Variants in SCFD1 observed in about 807,000 individuals in gnomAD.
SCFD1 encodes the protein sec1 family domain containing 1.
A neutral mutation model predicts 103.2 loss-of-function variants in SCFD1; 37 were observed. The observed-to-expected ratio is 0.36, with a 90% CI of 0.28 to 0.47. The LOEUF is 0.47. SCFD1 is among the 20% of genes least tolerant of loss of function. The pLI is 1.00. For missense variants in SCFD1, 639 were observed against 761.2 expected, an observed-to-expected ratio of 0.84 and a Z score of 1.89; for synonymous variants, 264 against 245.0, an observed-to-expected ratio of 1.08 and a Z score of -0.73.
chr14:30,632,417 G>A (rs1884274447), intron 3 of SCFD1, among the ~76,000 whole-genome samples: 1 of 151,970 alleles, frequency 6.6e-6, no homozygotes, highest in African/African-American at 2.4e-5. Context: ...ATAACTGGCA[G>A]CATTTTTATT....
In SCFD1 at chr14:30,675,030, A is replaced by G. The variant is rs757697344; in HGVS notation, c.1207A>G (p.Thr403Ala). The G allele has an allele frequency of 6.3e-7, 1 of 1,591,878 alleles. No individual in the cohort carries two copies. The highest frequency in any genetic ancestry group is 2.3e-5 in the East Asian group (1 of 43,916). ...LEKKRLIDLH[T>A]NVATAVLEHI... ...GAAAAAAAGACTTATTGATCTCCATACAAATGTTGCCACTGCTGTTTTAGA... is the reference window on the plus strand; with the variant it reads ...GAAAAAAAGACTTATTGATCTCCATGCAAATGTTGCCACTGCTGTTTTAGA... Residue 403 changes from threonine to alanine, a missense_variant, in exon 14 of 25, where the codon ACA (threonine) becomes GCA (alanine). Transcript: ENST00000458591.
chr14:30,670,191 C>A lies in SCFD1; in HGVS notation c.856-65C>A, dbSNP rs73253003. The stretch of plus-strand genomic sequence containing the variant: ...TTGTCCTTGGAAACATTAGAAAGGG[C>A]AACAAGATTCTATTTTTATTAGACT... On this transcript the variant is annotated intron_variant, in intron 10 of 24. Coordinates refer to ENST00000458591, the MANE Select transcript of SCFD1 (RefSeq NM_016106.4). The A allele has an allele frequency of 7.8e-4, 1,013 of 1,303,326 alleles. 6 individuals are homozygous for A. In the African/African-American group the frequency reaches 0.014, roughly 18 times the overall value. The allele number at this position is 1,303,326 out of a possible 1,614,324, so 80.7% of individuals were successfully genotyped here.
intron 15 of SCFD1, among the ~76,000 whole-genome samples, chr14:30,698,066 T>C (rs1388788720): frequency 1.3e-5 from 2 of 152,240 alleles, no homozygotes; most frequent in East Asian, 1.9e-4. Flanking sequence ...AGAATGTCTT[T>C]GACATTTGGG....
chr14:30,727,945 A>G (rs1290356557), intron 23 of SCFD1, among the ~76,000 whole-genome samples: 4 of 152,222 alleles, frequency 2.6e-5, no homozygotes, highest in Non-Finnish European at 5.9e-5. Context: ...AAATAAAAAC[A>G]GTCCATTCCA....
rs534406918 is a variant in SCFD1 at position 30,659,799 on chromosome 14, C to T, written c.855+6211C>T. ...TTTCTTGGTCATAGTATTTATTGTT[C>T]CTTGTCCAGTATGGATGAGCAAAAC... On this transcript the variant is annotated intron_variant, in intron 10 of 24. Transcript: ENST00000458591. Among the ~76,000 whole-genome samples the T allele has an allele frequency of 2.6e-5, 4 of 152,116 alleles. No homozygotes were observed. The East Asian group carries it at 5.8e-4, about 22-fold the overall frequency.
chr14:30,646,591 G>T (rs1885851790), intron 7 of SCFD1, among the ~76,000 whole-genome samples: 1 of 151,978 alleles, frequency 6.6e-6, no homozygotes, highest in Non-Finnish European at 1.5e-5. Flanking sequence ...TTTTTTTGTT[G>T]TGTCTCTGCT....
chr14:30,632,981 T>G (rs1338486585), intron 3 of SCFD1, among the ~76,000 whole-genome samples: 3 of 152,228 alleles, frequency 2.0e-5, no homozygotes, highest in Admixed American at 1.3e-4. Context: ...GTACTTTGCC[T>G]CCAACCATTC....
intron 10 of SCFD1, among the ~76,000 whole-genome samples, chr14:30,669,005 G>A (rs1303406217): frequency 2.0e-5 from 3 of 152,138 alleles, no homozygotes; most frequent in African/African-American, 7.2e-5. Flanking sequence ...ATTCCTTAAG[G>A]ATCTAGAACT....
At chr14:30,716,207 A>G (rs1892269481) in intron 20 of SCFD1, among the ~76,000 whole-genome samples, 1 of 152,240 alleles carries the variant, frequency 6.6e-6, no homozygotes, top group South Asian at 2.1e-4. Flanking sequence ...TTCAAATGTC[A>G]TGTAGATTAT....
At chr14:30,734,956 C>T in intron 24 of SCFD1, 98 bp downstream of exon 24, 6 of 909,686 alleles carry the variant, frequency 6.6e-6, no homozygotes, top group Admixed American at 2.2e-5. Context: ...TCACCTGAAC[C>T]AGCCGAAACC....
chr14:30,707,506 T>G (rs1343812695), intron 18 of SCFD1, among the ~76,000 whole-genome samples: 1 of 152,220 alleles, frequency 6.6e-6, no homozygotes, highest in Non-Finnish European at 1.5e-5. Context: ...ATCCAGCTGC[T>G]GATAAAAGAG....
At chr14:30,641,169 C>T (rs915886095) in intron 6 of SCFD1, among the ~76,000 whole-genome samples, 1 of 152,100 alleles carries the variant, frequency 6.6e-6, no homozygotes, top group Non-Finnish European at 1.5e-5. Flanking sequence ...TAATCATATA[C>T]CTAATTGTCT....
chr14:30,734,713 A>G, intron 23 of SCFD1, 77 bp from the exon 24 acceptor site: 1 of 1,127,276 alleles, frequency 8.9e-7, no homozygotes, highest in Admixed American at 1.7e-5. Flanking sequence ...AAAAACTAGC[A>G]TATTAATCTC....
Position 30,673,314 on chromosome 14 carries a change from G to A in SCFD1, c.1053G>A (p.Gln351=), listed in dbSNP as rs1248924299. 2 of 1,595,522 alleles carry A rather than the reference G, an allele frequency of 1.3e-6. No homozygotes were observed. Among genetic ancestry groups the A allele is most frequent in the African/African-American group, 1.3e-5 (1 of 74,540 alleles). ...AAGAACTAGAATCTTACAGAGCACA[G>A]GAAGATGAGGTCAAACGACTTAAAA... ...VQQELESYRA[Q]EDEVKRLKSI... The change falls in exon 12 of 25, where the codon CAG becomes CAA. Residue 351 remains glutamine, a synonymous_variant. Transcript: ENST00000458591.
intron 1 of SCFD1, among the ~76,000 whole-genome samples, chr14:30,625,919 C>A (rs1219801824): frequency 1.3e-5 from 2 of 152,040 alleles, no homozygotes; most frequent in Non-Finnish European, 2.9e-5. Flanking sequence ...ACCTGAGGCT[C>A]ACATGGCAGC....
chr14:30,727,178 G>C (rs1893103783), intron 23 of SCFD1, among the ~76,000 whole-genome samples: 1 of 152,144 alleles, frequency 6.6e-6, no homozygotes, highest in Non-Finnish European at 1.5e-5. Flanking sequence ...ACAGAAACAA[G>C]GTACATAGGC....
At chr14:30,669,038 A>G (rs909865483) in intron 10 of SCFD1, among the ~76,000 whole-genome samples, 3 of 152,172 alleles carry the variant, frequency 2.0e-5, no homozygotes, top group African/African-American at 7.2e-5. Flanking sequence ...TGACCCAGCA[A>G]TCCCATTACT....
chr14:30,719,731 A>C (rs2139404984), intron 21 of SCFD1, among the ~76,000 whole-genome samples: 1 of 152,268 alleles, frequency 6.6e-6, no homozygotes, highest in African/African-American at 2.4e-5. Flanking sequence ...TATATTGGAT[A>C]CCAGTTGTTT....
intron 10 of SCFD1, among the ~76,000 whole-genome samples, chr14:30,665,011 A>C (rs1484700397): frequency 6.6e-6 from 1 of 152,222 alleles, no homozygotes; most frequent in Admixed American, 6.5e-5. Context: ...ACCTAGCAAG[A>C]CAGGCCAACA....
Sources: allele counts gnomAD v4.1 joint callset (sites outside exome capture counted in the v4.1 genomes callset), GRCh38; gene constraint gnomAD v4.1.1; transcripts MANE v1.5; gene names NCBI Gene and HGNC (gene_info 2026-07-23, HGNC 2026-07-21).